CNTN6: variants seen among roughly 807,000 people sequenced by gnomAD.
The protein encoded by CNTN6 is contactin-6.
CNTN6 carries 137 observed loss-of-function variants against 122.8 expected under a neutral mutation model. The observed-to-expected ratio is 1.12, with a 90% CI of 0.97 to 1.29. The LOEUF (loss-of-function observed/expected upper bound fraction) is 1.29, where lower values mean the gene tolerates loss of function less well. Among genes scored for constraint, CNTN6 ranks in the 50% most tolerant of loss-of-function variants. The pLI, the probability that CNTN6 is intolerant of heterozygous loss-of-function variation, is 0.00. For missense variants in CNTN6, 1,634 were observed against 1,223.4 expected (o/e 1.34, Z -5.01); for synonymous variants, 570 against 426.0 (o/e 1.34, Z -4.16).
intron 7 of CNTN6, among the ~76,000 whole-genome samples, chr3:1,305,926 G>A (rs929229227): frequency 1.1e-4 from 17 of 152,118 alleles, no homozygotes; most frequent in South Asian, 4.1e-4. Flanking sequence ...TGACAGAGGA[G>A]CTATTTCTTA....
chr3:1,338,385 A>G (rs1185157252), intron 11 of CNTN6, among the ~76,000 whole-genome samples: 2 of 152,080 alleles, frequency 1.3e-5, no homozygotes. Flanking sequence ...GGAATAGGTT[A>G]AGGAACCTGA....
chr3:1,254,607 C>A (rs1181433217), intron 4 of CNTN6, among the ~76,000 whole-genome samples: 2 of 152,012 alleles, frequency 1.3e-5, no homozygotes, highest in African/African-American at 2.4e-5. Flanking sequence ...TCCTTGCCTG[C>A]CATGAGTCTA....
chr3:1,131,042 G>A (rs568818442), intron 1 of CNTN6, among the ~76,000 whole-genome samples: 77 of 152,202 alleles, frequency 5.1e-4, no homozygotes, highest in South Asian at 3.3e-3. Flanking sequence ...TTGTTCCAGC[G>A]AAATAACAGG....
At chr3:1,160,716 T>A (rs1028291491) in intron 2 of CNTN6, among the ~76,000 whole-genome samples, 5 of 150,894 alleles carry the variant, frequency 3.3e-5, no homozygotes, top group Admixed American at 1.3e-4. Context: ...TTCCATAGAA[T>A]TTGTGGTAGT....
At position 1,384,730 on chromosome 3, in the gene CNTN6, C is replaced by CAT. The variant is rs772047051; in HGVS notation, c.2518-873_2518-872dup. On this transcript the variant is annotated intron_variant, in intron 19 of 22. Transcript: ENST00000446702. ...TACATATACATACTATATATACACA[C>CAT]ATATATATACATATATACACATATA... is the stretch of plus-strand genomic sequence containing the variant. Among the ~76,000 whole-genome samples, 7 of 117,046 alleles carry CAT rather than the reference C, an allele frequency of 6.0e-5. No homozygotes were observed. In the South Asian group the frequency reaches 1.3e-3, roughly 21 times the overall value. 76.8% of individuals were successfully genotyped at this position (117,046 alleles called of 152,430 possible). A position where few individuals can be genotyped will look rare whatever the true frequency, so the allele number is the denominator to read the frequency against.
At position 1,098,789 on chromosome 3, in the gene CNTN6, C is replaced by CATATATATATATAT. The variant is rs1169127167; in HGVS notation, c.-83+5685_-83+5698dup. Among the ~76,000 whole-genome samples the CATATATATATATAT allele has an allele frequency of 7.9e-3, 500 of 63,120 alleles. 8 individuals carry two copies. The highest frequency in any genetic ancestry group is 0.021 in the East Asian group (32 of 1,524). The allele number at this position is 63,120 out of a possible 152,430, so 41.4% of individuals were successfully genotyped here. ...ACACACACACACACACACACACACA[C>CATATATATATATAT]ATATATATATATATATATATATATA... is the stretch of plus-strand genomic sequence containing the variant. On this transcript the variant is annotated intron_variant, in intron 1 of 22. Coordinates refer to ENST00000446702, the MANE Select transcript of CNTN6 (RefSeq NM_001289080.2).
chr3:1,145,588 C>A (rs553928295), intron 1 of CNTN6, among the ~76,000 whole-genome samples: 320 of 152,208 alleles, frequency 2.1e-3, no homozygotes, highest in Admixed American at 3.7e-3. Context: ...ATTGATAATT[C>A]TGCCATGACA....
At chr3:1,184,621 C>T (rs911770043) in intron 2 of CNTN6, among the ~76,000 whole-genome samples, 2 of 151,980 alleles carry the variant, frequency 1.3e-5, no homozygotes, top group Non-Finnish European at 2.9e-5. Flanking sequence ...AACTGAAGCC[C>T]AAATTTGTTA....
intron 2 of CNTN6, among the ~76,000 whole-genome samples, chr3:1,187,661 A>C (rs1044838619): frequency 3.9e-5 from 6 of 152,210 alleles, no homozygotes; most frequent in Non-Finnish European, 2.9e-5. Context: ...AATTTGCTAC[A>C]TAATTTGTGA....
intron 4 of CNTN6, among the ~76,000 whole-genome samples, chr3:1,274,751 T>C (rs1323059712): frequency 6.6e-6 from 1 of 152,186 alleles, no homozygotes; most frequent in Non-Finnish European, 1.5e-5. Flanking sequence ...CTGAACTTTG[T>C]ATCAGTCAGA....
rs201441938 is a variant in CNTN6 at position 1,156,635 on chromosome 3, T to C, written c.55+8572T>C. Among the ~76,000 whole-genome samples the C allele has an allele frequency of 6.4e-5, 9 of 140,152 alleles. No individual in the cohort carries two copies. In the East Asian group the frequency reaches 1.1e-3, roughly 18 times the overall value. 91.9% of individuals were successfully genotyped at this position (140,152 alleles called of 152,430 possible). ...TTTTCTTTTCTTTCTTTCTTTCTCT[T>C]TCTTTCTTTCTTGCTCTTGCTCTTT... On this transcript the variant is annotated intron_variant, in intron 2 of 22. Transcript: ENST00000446702.
chr3:1,125,629 A>G (rs2092132646), intron 1 of CNTN6, among the ~76,000 whole-genome samples: 1 of 151,754 alleles, frequency 6.6e-6, no homozygotes. Flanking sequence ...ATTGCCCTTA[A>G]CAAATATTAA....
intron 19 of CNTN6, 134 bp from the exon 20 acceptor site, chr3:1,385,477 A>T: frequency 1.7e-6 from 1 of 597,232 alleles, no homozygotes; most frequent in Non-Finnish European, 2.8e-6. Flanking sequence ...CATTTTAATT[A>T]GAAAACGTTT....
intron 4 of CNTN6, among the ~76,000 whole-genome samples, chr3:1,243,684 A>T (rs2094519646): frequency 6.6e-6 from 1 of 152,162 alleles, no homozygotes; most frequent in South Asian, 2.1e-4. Flanking sequence ...AACCTTGACT[A>T]TGCCTTTGGC....
At chr3:1,123,734 G>C (rs2092050805) in intron 1 of CNTN6, among the ~76,000 whole-genome samples, 1 of 151,942 alleles carries the variant, frequency 6.6e-6, no homozygotes, top group Non-Finnish European at 1.5e-5. Context: ...GAACAGCAAT[G>C]GTGAAGGAGA....
intron 7 of CNTN6, among the ~76,000 whole-genome samples, chr3:1,299,120 A>G (rs1184212164): frequency 6.6e-6 from 1 of 152,150 alleles, no homozygotes; most frequent in Non-Finnish European, 1.5e-5. Flanking sequence ...AAGAGACCGT[A>G]TTTTATTTTC....
intron 2 of CNTN6, among the ~76,000 whole-genome samples, chr3:1,215,769 C>A (rs893616362): frequency 6.6e-6 from 1 of 150,934 alleles, no homozygotes; most frequent in African/African-American, 2.4e-5. Context: ...AAACTGTGTA[C>A]AGAAAATTCA....
At chr3:1,140,324 A>T (rs1218923206) in intron 1 of CNTN6, among the ~76,000 whole-genome samples, 1 of 152,152 alleles carries the variant, frequency 6.6e-6, no homozygotes, top group Non-Finnish European at 1.5e-5. Flanking sequence ...TGCTTTGGTG[A>T]TGTGTGCAGT....
chr3:1,266,565 C>T (rs575502365), intron 4 of CNTN6, among the ~76,000 whole-genome samples: 2 of 152,192 alleles, frequency 1.3e-5, no homozygotes, highest in African/African-American at 2.4e-5. Flanking sequence ...CTCCAAAACT[C>T]GGCCTTTTGT....
Sources: allele counts gnomAD v4.1 joint callset (sites outside exome capture counted in the v4.1 genomes callset), GRCh38; gene constraint gnomAD v4.1.1; transcripts MANE v1.5; gene names NCBI Gene and HGNC (gene_info 2026-07-23, HGNC 2026-07-21).